WWOX: variants seen among roughly 807,000 people sequenced by gnomAD.
WWOX encodes the protein WW domain containing oxidoreductase.
A neutral mutation model predicts 46.2 loss-of-function variants in WWOX; 69 were observed. That is an observed-to-expected ratio of 1.49 (90% CI 1.23 to 1.82). The LOEUF (loss-of-function observed/expected upper bound fraction) is 1.82, where lower values mean the gene tolerates loss of function less well. WWOX is among the 40% of genes most tolerant of loss of function. WWOX has a pLI of 0.00. For missense variants in WWOX, 919 were observed against 542.6 expected (o/e 1.69, Z -6.89); for synonymous variants, 359 against 202.6 (o/e 1.77, Z -6.56).
chr16:78,377,500 C>T lies in WWOX; in HGVS notation c.517-9360C>T, dbSNP rs150116095. On this transcript the variant is annotated intron_variant, in intron 5 of 8. Transcript: ENST00000566780. ...GTAACCACGCTTTACCTATAGTTAA[C>T]GTAAATCATCACTTACATTAGAATG... 2.2e-4 allele frequency among the ~76,000 whole-genome samples: 33 copies of T among 152,226 alleles called. No individual in the cohort carries two copies. In the East Asian group the frequency reaches 2.3e-3, roughly 11 times the overall value.
chr16:78,600,004 T>A (rs772234531), intron 8 of WWOX, among the ~76,000 whole-genome samples: 2 of 152,006 alleles, frequency 1.3e-5, no homozygotes, highest in Non-Finnish European at 2.9e-5. Context: ...GACTCACAGC[T>A]CCACATGGCT....
chr16:78,208,352 A>G (rs2036458211), intron 5 of WWOX, among the ~76,000 whole-genome samples: 1 of 152,342 alleles, frequency 6.6e-6, no homozygotes, highest in Non-Finnish European at 1.5e-5. Context: ...TTGAATTTAT[A>G]TGTTCTTGGT....
At chr16:78,978,589 G>A (rs1288443982) in intron 8 of WWOX, among the ~76,000 whole-genome samples, 1 of 152,178 alleles carries the variant, frequency 6.6e-6, no homozygotes, top group Non-Finnish European at 1.5e-5. Context: ...TCTGCAGGCT[G>A]CACAGGAAGC....
intron 5 of WWOX, among the ~76,000 whole-genome samples, chr16:78,326,686 T>C (rs2080631067): frequency 6.6e-6 from 1 of 151,566 alleles, no homozygotes; most frequent in East Asian, 1.9e-4. Context: ...ATAATTTTTG[T>C]TTTTATCATT....
intron 8 of WWOX, among the ~76,000 whole-genome samples, chr16:78,450,392 TGA>T (rs1453887272): frequency 1.3e-5 from 2 of 152,186 alleles, no homozygotes; most frequent in Non-Finnish European, 2.9e-5. Flanking sequence ...TTTGAAGTAC[TGA>T]GAGAGAAATC....
chr16:78,559,425 G>T (rs552714983), intron 8 of WWOX, among the ~76,000 whole-genome samples: 20 of 152,244 alleles, frequency 1.3e-4, no homozygotes, highest in Middle Eastern at 6.8e-3. Context: ...GGAGCAAGTA[G>T]ATCAAATTCT....
In WWOX at chr16:78,338,230, G is replaced by C. The variant is rs1043463791; in HGVS notation, c.517-48630G>C. Among the ~76,000 whole-genome samples the C allele has an allele frequency of 2.1e-4, 25 of 120,186 alleles. 7 individuals carry two copies. The highest frequency in any genetic ancestry group is 5.7e-4 in the Admixed American group (7 of 12,274). The allele number at this position is 120,186 out of a possible 152,430, so 78.8% of individuals were successfully genotyped here. On this transcript the variant is annotated intron_variant, in intron 5 of 8. Transcript: ENST00000566780. ...TAAAGCAGCATGCAAATTTACTATC[G>C]TATTCAGCAACCAAAATTTTATCAC...
intron 8 of WWOX, among the ~76,000 whole-genome samples, chr16:78,982,202 G>T (rs1236340222): frequency 6.6e-6 from 1 of 152,138 alleles, no homozygotes; most frequent in Non-Finnish European, 1.5e-5. Flanking sequence ...GTGCACACAC[G>T]CCTAAGAAAT....
At chr16:79,148,008 C>A (rs952573629) in intron 8 of WWOX, among the ~76,000 whole-genome samples, 3 of 152,056 alleles carry the variant, frequency 2.0e-5, no homozygotes, top group African/African-American at 7.2e-5. Flanking sequence ...CAAATATCTT[C>A]TCTCAATCTA....
At chr16:78,310,553 G>A (rs1209056370) in intron 5 of WWOX, among the ~76,000 whole-genome samples, 1 of 152,164 alleles carries the variant, frequency 6.6e-6, no homozygotes, top group Non-Finnish European at 1.5e-5. Context: ...AAGACTTAGT[G>A]GTCACCAGAA....
At chr16:78,632,718 C>T (rs1410991094) in intron 8 of WWOX, among the ~76,000 whole-genome samples, 1 of 151,666 alleles carries the variant, frequency 6.6e-6, no homozygotes, top group African/African-American at 2.4e-5. Context: ...GCCACCACGC[C>T]CAGCTGATTT....
chr16:78,153,442 C>T (rs944944452), intron 4 of WWOX, among the ~76,000 whole-genome samples: 3 of 152,126 alleles, frequency 2.0e-5, no homozygotes, highest in Non-Finnish European at 2.9e-5. Flanking sequence ...ACAGTCCCCA[C>T]ATTTGCATTG....
intron 8 of WWOX, among the ~76,000 whole-genome samples, chr16:78,858,012 A>G (rs560295240): frequency 6.6e-6 from 1 of 152,312 alleles, no homozygotes; most frequent in South Asian, 2.1e-4. Flanking sequence ...TATTTGACCT[A>G]TTACATTCTA....
chr16:79,037,951 C>T (rs2047899844), intron 8 of WWOX, among the ~76,000 whole-genome samples: 1 of 152,120 alleles, frequency 6.6e-6, no homozygotes, highest in African/African-American at 2.4e-5. Flanking sequence ...CATTTCTTTT[C>T]TGGTTCTGTT....
intron 8 of WWOX, among the ~76,000 whole-genome samples, chr16:78,815,264 G>C (rs977645094): frequency 6.6e-6 from 1 of 151,990 alleles, no homozygotes; most frequent in African/African-American, 2.4e-5. Flanking sequence ...GATGGAGGTT[G>C]CAGTGAGCCA....
intron 8 of WWOX, among the ~76,000 whole-genome samples, chr16:78,541,228 A>G (rs1353013468): frequency 6.6e-6 from 1 of 151,876 alleles, no homozygotes; most frequent in Non-Finnish European, 1.5e-5. Flanking sequence ...TAATCCCAGC[A>G]CTCTGGGAGG....
rs546933856 is a variant in WWOX at position 79,023,860 on chromosome 16, G to A, written c.1057-187748G>A. Among the ~76,000 whole-genome samples, 25 of 152,218 alleles carry A rather than the reference G, an allele frequency of 1.6e-4. No homozygotes were observed. The South Asian group carries it at 3.3e-3, about 20-fold the overall frequency. ...AATCCCAGCTACTCGGGAGGCTGAG[G>A]CAGGAGAATCACTTAAAGTCAGGAG... On this transcript the variant is annotated intron_variant, in intron 8 of 8. Coordinates refer to ENST00000566780, the MANE Select transcript of WWOX (RefSeq NM_016373.4).
At chr16:78,599,259 G>T (rs2045565522) in intron 8 of WWOX, among the ~76,000 whole-genome samples, 1 of 152,184 alleles carries the variant, frequency 6.6e-6, no homozygotes, top group Admixed American at 6.5e-5. Flanking sequence ...TTCTCAGCTG[G>T]TCTAGCTTTG....
chr16:78,409,062 C>G (rs139434935), intron 6 of WWOX, among the ~76,000 whole-genome samples: 15 of 152,284 alleles, frequency 9.9e-5, no homozygotes, highest in African/African-American at 2.6e-4. Context: ...CTTGAAGTCA[C>G]TCCAAAAACA....
Sources: allele counts gnomAD v4.1 joint callset (sites outside exome capture counted in the v4.1 genomes callset), GRCh38; gene constraint gnomAD v4.1.1; transcripts MANE v1.5; gene names NCBI Gene and HGNC (gene_info 2026-07-23, HGNC 2026-07-21).